ATP9B: variants seen among roughly 807,000 people sequenced by gnomAD.
ATP9B encodes probable phospholipid-transporting ATPase IIB.
A neutral mutation model predicts 146.1 loss-of-function variants in ATP9B; 110 were observed. That is an observed-to-expected ratio of 0.75 (90% confidence interval 0.65 to 0.88). The LOEUF (loss-of-function observed/expected upper bound fraction) is 0.88, where lower values mean the gene tolerates loss of function less well. Ranked by LOEUF, ATP9B falls within the 40% of genes least tolerant of loss-of-function variation. The probability of loss-of-function intolerance (pLI) is 0.00; values close to 1 mark genes in which losing one functional copy is unlikely to be tolerated. For missense variants in ATP9B, 1,499 were observed against 1,496.4 expected (o/e 1.00, Z -0.03); for synonymous variants, 604 against 569.7 (o/e 1.06, Z -0.86).
intron 10 of ATP9B, 123 bp downstream of exon 10, chr18:79,207,135 C>A: frequency 1.2e-6 from 1 of 867,202 alleles, no homozygotes; most frequent in Non-Finnish European, 1.8e-6. Flanking sequence ...TTGCTAAACG[C>A]AGACTCCAGC....
chr18:79,088,824 T>G (rs952830264), intron 1 of ATP9B, among the ~76,000 whole-genome samples: 1 of 152,232 alleles, frequency 6.6e-6, no homozygotes, highest in Non-Finnish European at 1.5e-5. Flanking sequence ...TGTAGAGAAA[T>G]CTTGAACACA....
chr18:79,162,754 CCTAT>C (rs1306256543), intron 7 of ATP9B, among the ~76,000 whole-genome samples: 1 of 152,240 alleles, frequency 6.6e-6, no homozygotes, highest in East Asian at 1.9e-4. Context: ...AAAGTCAATG[CCTAT>C]CTTTCTTTTG....
intron 2 of ATP9B, 97 bp from the exon 3 acceptor site, chr18:79,110,258 A>C: frequency 8.1e-7 from 1 of 1,238,476 alleles, no homozygotes; most frequent in Non-Finnish European, 1.1e-6. Context: ...TGGTGAATAC[A>C]GAAACAATCA....
intron 1 of ATP9B, chr18:79,087,714 AG>A (rs2073965016): frequency 6.6e-6 from 1 of 152,226 alleles, no homozygotes; most frequent in Non-Finnish European, 1.5e-5. Flanking sequence ...TGATTTACTT[AG>A]TAACTTTTAC....
intron 11 of ATP9B, among the ~76,000 whole-genome samples, chr18:79,249,692 A>G (rs1036298360): frequency 6.6e-6 from 1 of 152,208 alleles, no homozygotes; most frequent in African/African-American, 2.4e-5. Flanking sequence ...TTTATTTTAA[A>G]TAGTTTATAA....
intron 27 of ATP9B, 26 bp downstream of exon 27, chr18:79,372,908 G>A (rs1302065270): frequency 1.3e-6 from 2 of 1,516,726 alleles, no homozygotes; most frequent in Admixed American, 1.8e-5. Flanking sequence ...TAGTTTACTG[G>A]ACTAAAGATT....
chr18:79,093,965 TGTTGA>T (rs2074564894), intron 1 of ATP9B, among the ~76,000 whole-genome samples: 1 of 152,246 alleles, frequency 6.6e-6, no homozygotes, highest in African/African-American at 2.4e-5. Flanking sequence ...TTACTTTGTA[TGTTGA>T]GTTAAGTTTG....
intron 26 of ATP9B, chr18:79,363,851 T>C (rs1443970138): frequency 3.3e-5 from 5 of 152,286 alleles, no homozygotes; most frequent in African/African-American, 9.6e-5. Flanking sequence ...CAGATGTTCC[T>C]GGATTGAGCC....
At position 79,110,416 on chromosome 18, in the gene ATP9B, T is replaced by C. The variant is rs756056288; in HGVS notation, c.355T>C (p.Trp119Arg). ...GAAAGAGCTGAAAGCTCGCACAGTA[T>C]GGCTTGGATGTCCTGAAAAGTGTGA... ...RKKELKARTV[W>R]LGCPEKCEEK... The change falls in exon 3 of 30, where the codon TGG becomes CGG. Residue 119 changes from tryptophan (W) to arginine (R), a missense_variant. Physicochemically the swap from Trp to Arg is moderately radical, Grantham distance 101. Coordinates refer to ENST00000426216, the MANE Select transcript of ATP9B (RefSeq NM_198531.5). 1.2e-6 allele frequency: 2 copies of C among 1,612,322 alleles called. No homozygotes were observed. The highest frequency in any genetic ancestry group is 1.7e-6 in the Non-Finnish European group (2 of 1,178,842).
intron 13 of ATP9B, among the ~76,000 whole-genome samples, chr18:79,283,686 G>A (rs1334489003): frequency 6.6e-6 from 1 of 152,172 alleles, no homozygotes; most frequent in Non-Finnish European, 1.5e-5. Flanking sequence ...CAATTCATTC[G>A]ACAAGCGTAG....
At position 79,303,683 on chromosome 18, in the gene ATP9B, G is replaced by T; in HGVS notation, c.1491G>T (p.Glu497Asp). 1 of 1,614,006 alleles carries T rather than the reference G, an allele frequency of 6.2e-7. No individual in the cohort carries two copies. The highest frequency in any genetic ancestry group is 8.5e-7 in the Non-Finnish European group (1 of 1,179,964). ...TVSYGADTMD[E>D]IQSHVRDSYS... ...CCTATGGCGCCGACACGATGGATGA[G>T]ATCCAGAGCCATGTCAGGGACTCCT... The change falls in exon 14 of 30, where the codon GAG (glutamate) becomes GAT (aspartate). Residue 497 changes from glutamate (E) to aspartate (D), a missense_variant. Transcript: ENST00000426216.
At chr18:79,211,774 G>A (rs1369959421) in intron 10 of ATP9B, among the ~76,000 whole-genome samples, 1 of 152,152 alleles carries the variant, frequency 6.6e-6, no homozygotes, top group African/African-American at 2.4e-5. Flanking sequence ...TGTTGTTGTG[G>A]TTGTGGTTTT....
chr18:79,238,307 C>T (rs966694052), intron 11 of ATP9B, among the ~76,000 whole-genome samples: 6 of 151,500 alleles, frequency 4.0e-5, no homozygotes, highest in African/African-American at 7.3e-5. Context: ...TGCTGTTGTC[C>T]GAATGCTGCT....
chr18:79,346,485 T>C (rs1397413223), intron 23 of ATP9B, among the ~76,000 whole-genome samples: 1 of 123,514 alleles, frequency 8.1e-6, no homozygotes, highest in African/African-American at 3.2e-5. Flanking sequence ...GCACACTACA[T>C]GCTTGGCACA....
At chr18:79,335,506 C>T (rs2096819228) in intron 17 of ATP9B, among the ~76,000 whole-genome samples, 1 of 152,214 alleles carries the variant, frequency 6.6e-6, no homozygotes, top group African/African-American at 2.4e-5. Context: ...CGGTTAGCAC[C>T]GTTTCATGAG....
chr18:79,075,462 G>A (rs2072489746), intron 1 of ATP9B, among the ~76,000 whole-genome samples: 1 of 152,088 alleles, frequency 6.6e-6, no homozygotes, highest in Non-Finnish European at 1.5e-5. Context: ...TTTATCAATT[G>A]TTGTTTCACA....
At chr18:79,075,345 G>T (rs769810935) in intron 1 of ATP9B, among the ~76,000 whole-genome samples, 1 of 152,120 alleles carries the variant, frequency 6.6e-6, no homozygotes, top group Non-Finnish European at 1.5e-5. Context: ...TGTAGAGATG[G>T]GGTTGCACTG....
chr18:79,220,802 A>G (rs1410800425), intron 11 of ATP9B, among the ~76,000 whole-genome samples: 2 of 152,188 alleles, frequency 1.3e-5, no homozygotes, highest in Non-Finnish European at 1.5e-5. Flanking sequence ...TATCTTCTTT[A>G]TTCCATGATG....
chr18:79,356,829 GA>G (rs2096957098), intron 25 of ATP9B, among the ~76,000 whole-genome samples: 1 of 75,608 alleles, frequency 1.3e-5, no homozygotes, highest in Non-Finnish European at 3.2e-5. Flanking sequence ...GTGTCTGTGT[GA>G]GGGATGCTCT....
Sources: gnomAD v4.1 joint callset for allele counts (sites outside exome capture counted in the v4.1 genomes callset) on GRCh38, gnomAD v4.1.1 for gene constraint, MANE v1.5 for transcripts, NCBI Gene and HGNC (gene_info 2026-07-23, HGNC 2026-07-21) for gene names.